REEP1: variants seen among roughly 807,000 people sequenced by gnomAD.
REEP1 encodes the protein receptor expression-enhancing protein 1.
REEP1 carries 22 observed loss-of-function variants against 40.3 expected under a neutral mutation model. The ratio of observed to expected loss-of-function variants is 0.55; its 90% CI spans 0.39 to 0.78. The LOEUF (loss-of-function observed/expected upper bound fraction) is 0.78, where lower values mean the gene tolerates loss of function less well. REEP1 is among the 30% of genes least tolerant of loss of function. REEP1 has a pLI of 0.00. For missense variants in REEP1, 280 were observed against 361.1 expected, an observed-to-expected ratio of 0.78 and a Z score of 1.82; for synonymous variants, 116 against 139.2, an observed-to-expected ratio of 0.83 and a Z score of 1.17.
intron 1 of REEP1, among the ~76,000 whole-genome samples, chr2:86,323,197 T>TA (rs1680348635): frequency 6.6e-6 from 1 of 152,246 alleles, no homozygotes; most frequent in Non-Finnish European, 1.5e-5. Flanking sequence ...AGCCAGACTC[T>TA]GTCTCCAAAA....
At chr2:86,328,258 C>T (rs6728029) in intron 1 of REEP1, among the ~76,000 whole-genome samples, 77,209 of 152,062 alleles carry the variant, frequency 0.51, 19,759 homozygotes, top group East Asian at 0.62. Context: ...GGTTGTATTC[C>T]CTCTCCTCTG....
intron 2 of REEP1, among the ~76,000 whole-genome samples, chr2:86,274,817 G>A (rs1290383733): frequency 6.6e-6 from 1 of 152,170 alleles, no homozygotes; most frequent in Non-Finnish European, 1.5e-5. Context: ...GGATCTAGGA[G>A]TGAAGAGATG....
At chr2:86,217,154 G>A (rs768551516) in intron 8 of REEP1, 44 bp from the exon 9 acceptor site, 19 of 1,554,348 alleles carry the variant, frequency 1.2e-5, no homozygotes, top group Non-Finnish European at 1.7e-5. Flanking sequence ...TGGTGTAAAT[G>A]TGGGATCTTT....
intron 8 of REEP1, among the ~76,000 whole-genome samples, chr2:86,219,451 CT>C (rs11350191): frequency 0.3 from 39,180 of 129,554 alleles, 5,112 homozygotes; most frequent in East Asian, 0.51. Flanking sequence ...TTTTTCTTTT[CT>C]TTTTTTTTTT....
At chr2:86,257,612 C>G (rs1176028659) in intron 3 of REEP1, among the ~76,000 whole-genome samples, 1 of 151,590 alleles carries the variant, frequency 6.6e-6, no homozygotes, top group Non-Finnish European at 1.5e-5. Flanking sequence ...CTCATACCAC[C>G]ACAGGGATAG....
intron 1 of REEP1, among the ~76,000 whole-genome samples, chr2:86,329,279 C>A (rs995480368): frequency 1.3e-5 from 2 of 152,124 alleles, no homozygotes; most frequent in East Asian, 1.9e-4. Context: ...TTGGAAAAAG[C>A]AATATTTGGG....
intron 3 of REEP1, among the ~76,000 whole-genome samples, chr2:86,257,699 AC>A (rs1676641998): frequency 6.7e-6 from 1 of 150,046 alleles, no homozygotes. Flanking sequence ...ATGCAGTGGC[AC>A]GGTCTCAGCT....
At chr2:86,291,328 A>C (rs1164202883) in intron 1 of REEP1, among the ~76,000 whole-genome samples, 1 of 152,220 alleles carries the variant, frequency 6.6e-6, no homozygotes, top group Non-Finnish European at 1.5e-5. Context: ...AACAGGTGAC[A>C]GTATAATTTT....
intron 2 of REEP1, among the ~76,000 whole-genome samples, chr2:86,280,866 GA>G (rs903449469): frequency 4.6e-5 from 7 of 151,856 alleles, no homozygotes; most frequent in Non-Finnish European, 8.8e-5. Flanking sequence ...GGAAATCTGA[GA>G]AAAAAAATAC....
Position 86,307,724 on chromosome 2 carries a change from C to T in REEP1, c.33-25482G>A, listed in dbSNP as rs1428362484. On this transcript the variant is annotated intron_variant, in intron 1 of 8. Transcript: ENST00000538924. ...AGGTCTGGGCTACAGAGCAAGACTC[C>T]GTCTCAAAAAAAAAAAGACAAGAAA... is the stretch of plus-strand genomic sequence containing the variant. 2.0e-5 allele frequency among the ~76,000 whole-genome samples: 3 copies of T among 149,858 alleles called. No homozygotes were observed. The East Asian group carries it at 5.8e-4, about 29-fold the overall frequency.
intron 2 of REEP1, among the ~76,000 whole-genome samples, chr2:86,273,750 C>T (rs553360708): frequency 1.3e-5 from 2 of 152,298 alleles, no homozygotes; most frequent in East Asian, 3.9e-4. Flanking sequence ...AGGACATACC[C>T]GAAGTTTGGG....
At chr2:86,317,887 A>C (rs888861682) in intron 1 of REEP1, among the ~76,000 whole-genome samples, 1 of 152,176 alleles carries the variant, frequency 6.6e-6, no homozygotes, top group African/African-American at 2.4e-5. Flanking sequence ...TTCATGGAAC[A>C]CCAGTTACTT....
Position 86,216,831 on chromosome 2 carries a change from C to A in REEP1, c.*208G>T. On this transcript the variant is annotated 3_prime_UTR_variant, in exon 9 of 9. Transcript: ENST00000538924. ...AAGGTCACCACCCCCGCCCCTACTA[C>A]CTTTCCCTTTAGCCTCTCCCCAGCA... 6 of 516,784 alleles carry A rather than the reference C, an allele frequency of 1.2e-5. No homozygotes were observed. The highest frequency in any genetic ancestry group is 1.4e-5 in the Non-Finnish European group (4 of 285,782). The allele number at this position is 516,784 out of a possible 1,614,324, so 32.0% of individuals were successfully genotyped here.
At chr2:86,217,842 T>C (rs1430130210) in intron 8 of REEP1, among the ~76,000 whole-genome samples, 1 of 152,054 alleles carries the variant, frequency 6.6e-6, no homozygotes, top group East Asian at 1.9e-4. Context: ...TATGAAGGGC[T>C]CCACCTCATC....
chr2:86,232,394 C>T (rs1675068391), intron 6 of REEP1, among the ~76,000 whole-genome samples: 1 of 152,224 alleles, frequency 6.6e-6, no homozygotes, highest in Admixed American at 6.5e-5. Flanking sequence ...AAAGGGGACC[C>T]TTTGGTGCAG....
At chr2:86,231,207 G>A (rs1266348839) in intron 6 of REEP1, among the ~76,000 whole-genome samples, 1 of 152,104 alleles carries the variant, frequency 6.6e-6, no homozygotes, top group Non-Finnish European at 1.5e-5. Context: ...GTCATTTCCT[G>A]TCTGGCCTTT....
chr2:86,337,238 C>A lies in REEP1; in HGVS notation c.32+241G>T. The A allele has an allele frequency of 4.3e-6, 1 of 234,730 alleles. No homozygotes were observed. The allele number at this position is 234,730 out of a possible 1,614,324, so 14.5% of individuals were successfully genotyped here. A position where few individuals can be genotyped will look rare whatever the true frequency, so the allele number is the denominator to read the frequency against. ...AACCCCCGAGCGCCCCAGCCCTCGC[C>A]GTCCCGGCCCAGCCCCCCGCAAGCG... On this transcript the variant is annotated intron_variant, in intron 1 of 8. Transcript: ENST00000538924. The surrounding 1 kb of genome is among the most constrained non-coding windows in gnomAD (Gnocchi z 5.8).
intron 1 of REEP1, 79 bp from the exon 2 acceptor site, chr2:86,282,321 G>C (rs939522545): frequency 4.7e-6 from 5 of 1,068,900 alleles, no homozygotes; most frequent in African/African-American, 3.1e-5. Flanking sequence ...TCAATGCCAA[G>C]AGCAACTCTC....
At chr2:86,270,345 C>A (rs951287442) in intron 2 of REEP1, among the ~76,000 whole-genome samples, 2 of 152,082 alleles carry the variant, frequency 1.3e-5, no homozygotes, top group Non-Finnish European at 2.9e-5. Context: ...TACAGGCATG[C>A]GCCACCACGC....
Sources: gnomAD v4.1 joint callset for allele counts (sites outside exome capture counted in the v4.1 genomes callset) on GRCh38, gnomAD v4.1.1 for gene constraint, Gnocchi (gnomAD v3.1) non-coding constraint, MANE v1.5 for transcripts, NCBI Gene and HGNC (gene_info 2026-07-23, HGNC 2026-07-21) for gene names.